The following CLIP4 variants were observed in gnomAD, a reference collection of about 807,000 sequenced individuals.
CLIP4 encodes CAP-Gly domain-containing linker protein 4.
A neutral mutation model predicts 73.1 loss-of-function variants in CLIP4; 47 were observed. The observed-to-expected ratio is 0.64, with a 90% CI of 0.51 to 0.82. CLIP4 has a LOEUF of 0.82. CLIP4 is among the 40% of genes least tolerant of loss of function. The probability of loss-of-function intolerance (pLI) is 0.00; values close to 1 mark genes in which losing one functional copy is unlikely to be tolerated. For synonymous variants in CLIP4, 306 were observed against 295.4 expected (o/e 1.04, Z -0.37); for missense variants, 874 against 852.9 (o/e 1.02, Z -0.31).
chr2:29,099,637 C>T lies in CLIP4; in HGVS notation c.-16+1690C>T, dbSNP rs1158102877. ...ATATCTTTAAGCCTGTAGTGTCAAT[C>T]CTCTGACTTTGTTCTTTAAGATTGT... On this transcript the variant is annotated intron_variant, in intron 1 of 14. Transcript: ENST00000401605. Among the ~76,000 whole-genome samples the T allele has an allele frequency of 2.0e-5, 3 of 152,150 alleles. No individual in the cohort carries two copies. The South Asian group carries it at 6.2e-4, about 32-fold the overall frequency.
chr2:29,174,414 AAGG>A lies in CLIP4; in HGVS notation c.1768_1770del (p.Glu590del). The A allele has an allele frequency of 6.2e-7, 1 of 1,612,572 alleles. No individual in the cohort carries two copies. The highest frequency in any genetic ancestry group is 8.5e-7 in the Non-Finnish European group (1 of 1,179,710). ...TAGCACAACTTCTGCTTCTTCCCAA[AAGG>A]AGATTAACAGAAGAAATGCTTTTTC... On this transcript the variant is annotated inframe_deletion, in exon 15 of 16. Coordinates refer to ENST00000320081, the MANE Select transcript of CLIP4 (RefSeq NM_024692.6).
intron 6 of CLIP4, among the ~76,000 whole-genome samples, chr2:29,139,729 TAG>T (rs916166777): frequency 6.6e-6 from 1 of 152,172 alleles, no homozygotes; most frequent in African/African-American, 2.4e-5. Context: ...TCTAGGAATT[TAG>T]ATTCCTAGAT....
intron 9 of CLIP4, among the ~76,000 whole-genome samples, chr2:29,155,014 C>G (rs1006113007): frequency 4.6e-5 from 7 of 152,088 alleles, no homozygotes; most frequent in African/African-American, 1.2e-4. Flanking sequence ...TTTAAAATTA[C>G]CCAAAATATG....
chr2:29,131,248 T>A lies in CLIP4; in HGVS notation c.134-10T>A, dbSNP rs1220486193. 3 of 1,585,636 alleles carry A rather than the reference T, an allele frequency of 1.9e-6. No individual in the cohort carries two copies. On this transcript the variant is annotated splice_polypyrimidine_tract_variant and intron_variant, in intron 2 of 15. Coordinates refer to ENST00000320081, the MANE Select transcript of CLIP4 (RefSeq NM_024692.6). The stretch of plus-strand genomic sequence containing the variant: ...TTAGTAAATTTAATTTGCATCTTTT[T>A]TTATTTCAGAATTTTCTTTCTTTGA...
chr2:29,178,713 T>C (rs1668484434), intron 15 of CLIP4, among the ~76,000 whole-genome samples: 1 of 152,256 alleles, frequency 6.6e-6, no homozygotes, highest in African/African-American at 2.4e-5. Flanking sequence ...CTAAAACATG[T>C]ATTGAACTCT....
At chr2:29,133,596 C>A in intron 4 of CLIP4, 59 bp from the exon 5 acceptor site, 1 of 1,508,754 alleles carries the variant, frequency 6.6e-7, no homozygotes, top group South Asian at 1.3e-5. Flanking sequence ...CAATTGGTAG[C>A]CATCCATTGG....
At chr2:29,126,714 G>T (rs1016977240) in intron 2 of CLIP4, among the ~76,000 whole-genome samples, 1 of 152,220 alleles carries the variant, frequency 6.6e-6, no homozygotes, top group South Asian at 2.1e-4. Context: ...GATGTCATCA[G>T]ATGTTTTGGT....
chr2:29,101,588 C>T (rs1429181331), intron 1 of CLIP4, among the ~76,000 whole-genome samples: 1 of 152,150 alleles, frequency 6.6e-6, no homozygotes, highest in African/African-American at 2.4e-5. Flanking sequence ...GTGGGTCTGC[C>T]TCTCCCAGCC....
intron 3 of CLIP4, 39 bp from the exon 4 acceptor site, chr2:29,132,113 G>C: frequency 6.7e-7 from 1 of 1,481,818 alleles, no homozygotes; most frequent in African/African-American, 1.4e-5. Context: ...AGGTACCTCA[G>C]TAGTTAGGTT....
chr2:29,110,252 G>T (rs1668351689), intron 1 of CLIP4, among the ~76,000 whole-genome samples: 1 of 152,164 alleles, frequency 6.6e-6, no homozygotes, highest in Non-Finnish European at 1.5e-5. Flanking sequence ...TCAGTTTGTG[G>T]TCTACTTCAG....
At chr2:29,128,236 G>A (rs530416583) in intron 2 of CLIP4, among the ~76,000 whole-genome samples, 15 of 146,564 alleles carry the variant, frequency 1.0e-4, no homozygotes, top group South Asian at 2.2e-4. Context: ...TCTAGGGGCC[G>A]TTGAAAAATC....
rs571140342 is a variant in CLIP4, at chr2:29,168,110, G to A, written c.1723+570G>A. The stretch of plus-strand genomic sequence containing the variant: ...CTATCTGCCATGGACCAGAGCCTCT[G>A]CTTCTCCTCACCTCATTAGTACTTA... On this transcript the variant is annotated intron_variant, in intron 14 of 15. Transcript: ENST00000320081. Among the ~76,000 whole-genome samples, 4 of 152,284 alleles carry A rather than the reference G, an allele frequency of 2.6e-5. No individual in the cohort carries two copies. In the East Asian group the frequency reaches 7.7e-4, roughly 29 times the overall value.
At chr2:29,173,482 C>T (rs986217723) in intron 14 of CLIP4, among the ~76,000 whole-genome samples, 1 of 152,182 alleles carries the variant, frequency 6.6e-6, no homozygotes, top group Non-Finnish European at 1.5e-5. Context: ...CCTGTGCAGC[C>T]AGTAAGGTGA....
chr2:29,117,394 A>C (rs1663935866), intron 1 of CLIP4, among the ~76,000 whole-genome samples: 1 of 148,186 alleles, frequency 6.7e-6, no homozygotes. Context: ...CCCAGGCTGC[A>C]GTGCAGTGGC....
rs553895504 is a variant in CLIP4 at position 29,133,310 on chromosome 2, A to C, written c.368-345A>C. 5.0e-4 allele frequency among the ~76,000 whole-genome samples: 76 copies of C among 152,364 alleles called. No individual in the cohort carries two copies. The Middle Eastern group carries it at 0.024, about 48-fold the overall frequency. On this transcript the variant is annotated intron_variant, in intron 4 of 15. Coordinates refer to ENST00000320081, the MANE Select transcript of CLIP4 (RefSeq NM_024692.6). Reference sequence around the variant, plus strand: ...TGCAATTTGGGACTGCCAGTGGTCCACGGAACACGTTTGGGGGAGCACTGA... The same window carrying C: ...TGCAATTTGGGACTGCCAGTGGTCCCCGGAACACGTTTGGGGGAGCACTGA...
chr2:29,133,928 C>G (rs896348567), intron 5 of CLIP4, 112 bp downstream of exon 5: 2 of 816,352 alleles, frequency 2.4e-6, no homozygotes, highest in Non-Finnish European at 3.7e-6. Context: ...TTTCATATGC[C>G]TTTCTACTCC....
chr2:29,176,335 C>T (rs1042955162), intron 15 of CLIP4, among the ~76,000 whole-genome samples: 1 of 152,162 alleles, frequency 6.6e-6, no homozygotes, highest in African/African-American at 2.4e-5. Flanking sequence ...TCTTGAGATT[C>T]ATCAAACTCT....
intron 1 of CLIP4, among the ~76,000 whole-genome samples, chr2:29,109,886 C>A (rs138879709): frequency 0.023 from 3,427 of 152,066 alleles, 109 homozygotes; most frequent in East Asian, 0.07. Flanking sequence ...AGCGAAACCC[C>A]GTCTCTACTA....
chr2:29,170,853 A>G (rs1386545369), intron 14 of CLIP4, among the ~76,000 whole-genome samples: 1 of 151,866 alleles, frequency 6.6e-6, no homozygotes, highest in Non-Finnish European at 1.5e-5. Context: ...TGTTGAAAAG[A>G]CTGTCTTTTT....
Sources: allele counts gnomAD v4.1 joint callset (sites outside exome capture counted in the v4.1 genomes callset), GRCh38; gene constraint gnomAD v4.1.1; transcripts MANE v1.5; gene names NCBI Gene and HGNC (gene_info 2026-07-23, HGNC 2026-07-21).